KCND2: variants seen among roughly 807,000 people sequenced by gnomAD.
KCND2 encodes A-type voltage-gated potassium channel KCND2.
In KCND2, 16 loss-of-function variants were observed where a neutral mutation model predicts 54.4. The ratio of observed to expected loss-of-function variants is 0.29; its 90% CI spans 0.20 to 0.45. The LOEUF is 0.45. Among genes scored for constraint, KCND2 ranks in the 20% least tolerant of loss-of-function variants. The pLI, the probability that KCND2 is intolerant of heterozygous loss-of-function variation, is 1.00. For missense variants in KCND2, 486 were observed against 824.2 expected, an observed-to-expected ratio of 0.59 and a Z score of 5.02; for synonymous variants, 317 against 310.7, an observed-to-expected ratio of 1.02 and a Z score of -0.21.
chr7:120,543,354 G>A (rs1277983309), intron 1 of KCND2, among the ~76,000 whole-genome samples: 2 of 151,360 alleles, frequency 1.3e-5, no homozygotes, highest in African/African-American at 4.9e-5. Flanking sequence ...TCCTCTTACT[G>A]CGTGTCGATT....
intron 1 of KCND2, among the ~76,000 whole-genome samples, chr7:120,636,698 A>G (rs182708060): frequency 6.6e-6 from 1 of 152,140 alleles, no homozygotes; most frequent in African/African-American, 2.4e-5. Context: ...TCTCGATGTG[A>G]AAGTATGCAC....
At chr7:120,678,380 C>T (rs1262528782) in intron 1 of KCND2, among the ~76,000 whole-genome samples, 70 of 130,414 alleles carry the variant, frequency 5.4e-4, no homozygotes, top group East Asian at 2.3e-3. Context: ...TATACGCACA[C>T]ACACATATAT....
chr7:120,535,110 C>G (rs1291653549), intron 1 of KCND2, among the ~76,000 whole-genome samples: 1 of 152,078 alleles, frequency 6.6e-6, no homozygotes, highest in Non-Finnish European at 1.5e-5. Context: ...TAGTAATCTT[C>G]TGGAGAATTA....
At chr7:120,281,774 G>A (rs1799267528) in intron 1 of KCND2, among the ~76,000 whole-genome samples, 1 of 152,166 alleles carries the variant, frequency 6.6e-6, no homozygotes, top group Non-Finnish European at 1.5e-5. Context: ...ATCATGGTGT[G>A]AGATGGCACT....
intron 1 of KCND2, among the ~76,000 whole-genome samples, chr7:120,489,998 A>G (rs1408528688): frequency 1.3e-5 from 2 of 152,170 alleles, no homozygotes; most frequent in African/African-American, 2.4e-5. Context: ...GTCACTCCAA[A>G]AAAAGGAAGT....
At chr7:120,567,916 C>A (rs568461946) in intron 1 of KCND2, among the ~76,000 whole-genome samples, 1 of 152,204 alleles carries the variant, frequency 6.6e-6, no homozygotes, top group East Asian at 1.9e-4. Context: ...ATCTTTCTCT[C>A]TATTTAGATA....
intron 1 of KCND2, among the ~76,000 whole-genome samples, chr7:120,384,460 C>T (rs1800959110): frequency 6.6e-6 from 1 of 152,116 alleles, no homozygotes; most frequent in Non-Finnish European, 1.5e-5. Flanking sequence ...CACACATATG[C>T]TCTCAGCATG....
At chr7:120,742,454 G>T (rs965504018) in intron 3 of KCND2, 56 bp from the exon 4 acceptor site, 1 of 1,368,100 alleles carries the variant, frequency 7.3e-7, no homozygotes, top group Non-Finnish European at 1.0e-6. Context: ...TGTAGCCGAG[G>T]TTCGAGTTGT....
At chr7:120,582,513 C>T (rs73439886) in intron 1 of KCND2, among the ~76,000 whole-genome samples, 2,117 of 152,034 alleles carry the variant, frequency 0.014, 66 homozygotes, top group African/African-American at 0.049. Flanking sequence ...TACTATTGGC[C>T]GCTTTCTGCT....
intron 1 of KCND2, among the ~76,000 whole-genome samples, chr7:120,699,205 C>G (rs1446655489): frequency 6.6e-6 from 1 of 151,676 alleles, no homozygotes; most frequent in Non-Finnish European, 1.5e-5. Flanking sequence ...TGGTGTGAAT[C>G]TGGGAGGCAG....
chr7:120,707,412 T>C (rs1792483258), intron 1 of KCND2, among the ~76,000 whole-genome samples: 1 of 152,112 alleles, frequency 6.6e-6, no homozygotes. Flanking sequence ...GTCACTTAAA[T>C]GTCGCCCACA....
At chr7:120,726,879 A>G (rs1792740060) in intron 1 of KCND2, among the ~76,000 whole-genome samples, 1 of 152,336 alleles carries the variant, frequency 6.6e-6, no homozygotes, top group South Asian at 2.1e-4. Context: ...TTTCCTTGTA[A>G]AAAATGAAAA....
intron 1 of KCND2, among the ~76,000 whole-genome samples, chr7:120,630,908 G>A (rs888100402): frequency 6.6e-6 from 1 of 152,172 alleles, no homozygotes; most frequent in Non-Finnish European, 1.5e-5. Context: ...TTAATGTTAT[G>A]AGAATCGCAC....
intron 1 of KCND2, among the ~76,000 whole-genome samples, chr7:120,403,490 T>G (rs898106746): frequency 6.6e-6 from 1 of 150,928 alleles, no homozygotes; most frequent in African/African-American, 2.4e-5. Flanking sequence ...TAATTTTTTT[T>G]TTTTTTTTTT....
chr7:120,450,815 A>T (rs1802092761), intron 1 of KCND2, among the ~76,000 whole-genome samples: 1 of 152,158 alleles, frequency 6.6e-6, no homozygotes, highest in South Asian at 2.1e-4. Context: ...CCCAAGAGAG[A>T]ACAATATTAA....
intron 1 of KCND2, among the ~76,000 whole-genome samples, chr7:120,473,980 C>T (rs901890672): frequency 3.3e-5 from 5 of 152,158 alleles, no homozygotes; most frequent in South Asian, 2.1e-4. Context: ...GTCCTGTTGT[C>T]ATTCTTGACT....
Position 120,459,112 on chromosome 7 carries a change from G to C in KCND2, c.1115+183365G>C, listed in dbSNP as rs139672834. On this transcript the variant is annotated intron_variant, in intron 1 of 5. Coordinates refer to ENST00000331113, the MANE Select transcript of KCND2 (RefSeq NM_012281.3). ...TTCCAATGGCCTGCAAACTCTCCCA[G>C]AAAACAAGCCCAAGCACTTAATATG... 1.9e-4 allele frequency among the ~76,000 whole-genome samples: 29 copies of C among 152,086 alleles called. No individual in the cohort carries two copies. The East Asian group carries it at 3.5e-3, about 18-fold the overall frequency.
intron 1 of KCND2, among the ~76,000 whole-genome samples, chr7:120,460,188 C>T (rs936020232): frequency 2.0e-5 from 3 of 151,922 alleles, no homozygotes; most frequent in Admixed American, 2.0e-4. Context: ...TTGAGCTCCC[C>T]TTAGACAGTG....
Position 120,727,659 on chromosome 7 carries a change from C to A in KCND2, c.1116-5244C>A, listed in dbSNP as rs1034478000. On this transcript the variant is annotated intron_variant, in intron 1 of 5. Coordinates refer to ENST00000331113, the MANE Select transcript of KCND2 (RefSeq NM_012281.3). The stretch of plus-strand genomic sequence containing the variant: ...GGGAAGTACGCAAATTTAGAATTAA[C>A]ATTTTTATGCAAAAGGCACTTCCAT... Among the ~76,000 whole-genome samples the A allele has an allele frequency of 3.9e-5, 6 of 152,242 alleles. No individual in the cohort carries two copies. The East Asian group carries it at 1.2e-3, about 29-fold the overall frequency.
Sources: allele counts gnomAD v4.1 joint callset (sites outside exome capture counted in the v4.1 genomes callset), GRCh38; gene constraint gnomAD v4.1.1; transcripts MANE v1.5; gene names NCBI Gene and HGNC (gene_info 2026-07-23, HGNC 2026-07-21).